Variants in CCSER1 observed in about 807,000 individuals in gnomAD.
The protein encoded by CCSER1 is coiled-coil serine rich protein 1.
In CCSER1, 41 loss-of-function variants were observed where a neutral mutation model predicts 82.0. The ratio of observed to expected loss-of-function variants is 0.50; its 90% confidence interval spans 0.39 to 0.65. The LOEUF is 0.65. Among genes scored for constraint, CCSER1 ranks in the 30% least tolerant of loss-of-function variants. CCSER1 has a pLI of 0.00. For synonymous variants in CCSER1, 414 were observed against 383.9 expected (o/e 1.08, Z -0.92); for missense variants, 1,119 against 1,064.2 (o/e 1.05, Z -0.72).
intron 9 of CCSER1, among the ~76,000 whole-genome samples, chr4:91,084,761 C>T (rs979781027): frequency 3.3e-5 from 5 of 151,936 alleles, no homozygotes; most frequent in African/African-American, 1.2e-4. Context: ...CCATGTTGAT[C>T]CTAGAACATT....
At chr4:90,625,990 G>A (rs1723188874) in intron 5 of CCSER1, among the ~76,000 whole-genome samples, 1 of 152,106 alleles carries the variant, frequency 6.6e-6, no homozygotes, top group Non-Finnish European at 1.5e-5. Context: ...GTCCTCATGG[G>A]TGTTTAGATC....
chr4:91,253,706 T>C (rs1187947345), intron 10 of CCSER1, among the ~76,000 whole-genome samples: 1 of 152,196 alleles, frequency 6.6e-6, no homozygotes, highest in East Asian at 1.9e-4. Flanking sequence ...CATTGTTTCA[T>C]TGCTATAAAG....
chr4:91,324,895 T>C (rs1156360089), intron 10 of CCSER1, among the ~76,000 whole-genome samples: 1 of 152,172 alleles, frequency 6.6e-6, no homozygotes, highest in African/African-American at 2.4e-5. Context: ...GGCAGAATAA[T>C]ATGATTTGGC....
chr4:91,070,237 G>A (rs1721290186), intron 9 of CCSER1, among the ~76,000 whole-genome samples: 1 of 152,030 alleles, frequency 6.6e-6, no homozygotes, highest in African/African-American at 2.4e-5. Context: ...GCCTGCCTTG[G>A]CCTCCCAAAG....
chr4:90,291,885 A>G (rs1163396541), intron 1 of CCSER1, among the ~76,000 whole-genome samples: 6 of 151,934 alleles, frequency 3.9e-5, no homozygotes, highest in Admixed American at 1.3e-4. Context: ...AACAATTTCA[A>G]TCTGACACTC....
chr4:91,220,146 A>G (rs1205788539), intron 10 of CCSER1, among the ~76,000 whole-genome samples: 5 of 152,220 alleles, frequency 3.3e-5, no homozygotes, highest in Admixed American at 1.3e-4. Flanking sequence ...AACGTAGGCC[A>G]AAGGTAGCAA....
intron 6 of CCSER1, among the ~76,000 whole-genome samples, chr4:90,704,610 C>T (rs1738922276): frequency 6.6e-6 from 1 of 152,200 alleles, no homozygotes; most frequent in Admixed American, 6.5e-5. Context: ...TTCAGGTATA[C>T]CAATCAGACC....
intron 10 of CCSER1, among the ~76,000 whole-genome samples, chr4:91,278,530 G>T (rs139380267): frequency 9.2e-5 from 14 of 152,036 alleles, no homozygotes; most frequent in African/African-American, 3.4e-4. Flanking sequence ...ATCTTTTTCC[G>T]TCTCTTTATT....
At chr4:90,742,963 CT>C (rs938367874) in intron 7 of CCSER1, among the ~76,000 whole-genome samples, 2 of 151,834 alleles carry the variant, frequency 1.3e-5, no homozygotes, top group Admixed American at 6.6e-5. Flanking sequence ...TAAATTTAGC[CT>C]TTTTTTCACT....
chr4:90,212,988 TG>T (rs987504556), intron 1 of CCSER1, among the ~76,000 whole-genome samples: 8 of 152,262 alleles, frequency 5.3e-5, no homozygotes, highest in Non-Finnish European at 7.4e-5. Flanking sequence ...AACATGTGTA[TG>T]GGGGAAGTTA....
chr4:91,467,089 T>C (rs931729293), intron 10 of CCSER1, among the ~76,000 whole-genome samples: 4 of 152,186 alleles, frequency 2.6e-5, no homozygotes, highest in African/African-American at 9.7e-5. Context: ...GGCATCATGC[T>C]ACCTGACTTC....
chr4:90,753,326 G>A (rs1749002905), intron 7 of CCSER1, among the ~76,000 whole-genome samples: 1 of 152,116 alleles, frequency 6.6e-6, no homozygotes. Flanking sequence ...AAGGTATGGA[G>A]AGCTTTCCCC....
intron 4 of CCSER1, among the ~76,000 whole-genome samples, chr4:90,455,785 A>G (rs544153626): frequency 1.8e-4 from 28 of 152,256 alleles, no homozygotes; most frequent in Middle Eastern, 3.4e-3. Context: ...GACCTTATCT[A>G]TGCCATGGGT....
At chr4:90,602,092 A>G (rs1349876832) in intron 5 of CCSER1, among the ~76,000 whole-genome samples, 1 of 152,102 alleles carries the variant, frequency 6.6e-6, no homozygotes, top group African/African-American at 2.4e-5. Context: ...TATAGAATTT[A>G]TGTCTACTTG....
chr4:91,027,006 A>G (rs1740543728), intron 9 of CCSER1, among the ~76,000 whole-genome samples: 1 of 152,200 alleles, frequency 6.6e-6, no homozygotes, highest in South Asian at 2.1e-4. Flanking sequence ...ATTTTTAAAC[A>G]GAATTATGAA....
At chr4:90,187,567 C>T (rs1734846566) in intron 1 of CCSER1, among the ~76,000 whole-genome samples, 1 of 151,716 alleles carries the variant, frequency 6.6e-6, no homozygotes, top group Non-Finnish European at 1.5e-5. Context: ...TTTTTTTGAG[C>T]CACAGCGAAG....
At chr4:90,648,287 A>AAG in intron 6 of CCSER1, among the ~76,000 whole-genome samples, 1 of 92,772 alleles carries the variant, frequency 1.1e-5, no homozygotes, top group Admixed American at 9.8e-5. Context: ...AAAGAAAGGA[A>AAG]AGAAAGAAAG....
intron 3 of CCSER1, among the ~76,000 whole-genome samples, chr4:90,387,512 C>G (rs1360706308): frequency 6.6e-6 from 1 of 152,150 alleles, no homozygotes; most frequent in Non-Finnish European, 1.5e-5. Context: ...GCTGGCCACA[C>G]TTAATAATCT....
chr4:91,129,456 T>G, intron 10 of CCSER1, among the ~76,000 whole-genome samples: 1 of 118,596 alleles, frequency 8.4e-6, no homozygotes, highest in South Asian at 2.4e-4. Context: ...ATCTGAAATT[T>G]AGATATTTAA....
Sources: gnomAD v4.1 joint callset for allele counts (sites outside exome capture counted in the v4.1 genomes callset) on GRCh38, gnomAD v4.1.1 for gene constraint, MANE v1.5 for transcripts, NCBI Gene and HGNC (gene_info 2026-07-23, HGNC 2026-07-21) for gene names.